Variants in SNX29 observed in about 807,000 individuals in gnomAD.
SNX29 encodes the protein sorting nexin 29, also known as sorting nexin-29.
Under a neutral mutation model 102.1 loss-of-function variants are expected in SNX29, and 78 were observed. That is an observed-to-expected ratio of 0.76 (90% CI 0.64 to 0.92). SNX29 has a LOEUF of 0.92. SNX29 is among the 40% of genes least tolerant of loss of function. The probability of loss-of-function intolerance (pLI) is 0.00; values close to 1 mark genes in which losing one functional copy is unlikely to be tolerated. For synonymous variants in SNX29, 580 were observed against 414.5 expected (o/e 1.40, Z -4.85); for missense variants, 1,280 against 1,061.7 (o/e 1.21, Z -2.86).
intron 14 of SNX29, among the ~76,000 whole-genome samples, chr16:12,251,063 C>A (rs534670004): frequency 1.3e-5 from 2 of 152,348 alleles, no homozygotes; most frequent in Admixed American, 1.3e-4. Context: ...CCAGGCTGCG[C>A]AGGACATCAC....
At chr16:12,460,179 C>T (rs368507086) in intron 18 of SNX29, among the ~76,000 whole-genome samples, 3 of 152,168 alleles carry the variant, frequency 2.0e-5, no homozygotes, top group Non-Finnish European at 4.4e-5. Context: ...GCTGTTTTGC[C>T]GAATGAGACT....
intron 19 of SNX29, among the ~76,000 whole-genome samples, chr16:12,496,712 T>C (rs1381435352): frequency 1.3e-5 from 2 of 152,046 alleles, no homozygotes; most frequent in African/African-American, 2.4e-5. Flanking sequence ...GGTTTCACCA[T>C]GTTGGCCAGG....
intron 14 of SNX29, among the ~76,000 whole-genome samples, chr16:12,229,042 A>G (rs2077696365): frequency 6.6e-6 from 1 of 152,128 alleles, no homozygotes; most frequent in South Asian, 2.1e-4. Context: ...CTTCACACAG[A>G]CCTTGGACTT....
chr16:12,147,724 A>T (rs1308900078), intron 13 of SNX29, among the ~76,000 whole-genome samples: 1 of 152,176 alleles, frequency 6.6e-6, no homozygotes, highest in Non-Finnish European at 1.5e-5. Flanking sequence ...CAGCCTGATT[A>T]TTCGTAGAAA....
intron 15 of SNX29, among the ~76,000 whole-genome samples, chr16:12,296,721 A>G (rs2079993149): frequency 6.6e-6 from 1 of 152,230 alleles, no homozygotes. Flanking sequence ...CATTAGTATC[A>G]GCTGCTGTTT....
intron 20 of SNX29, among the ~76,000 whole-genome samples, chr16:12,567,197 C>T (rs1172731063): frequency 1.3e-5 from 2 of 152,064 alleles, no homozygotes; most frequent in Non-Finnish European, 2.9e-5. Context: ...CACTTGGCAT[C>T]TTTGGTCCTT....
chr16:12,528,768 C>T (rs1286501325), intron 20 of SNX29, among the ~76,000 whole-genome samples: 1 of 152,246 alleles, frequency 6.6e-6, no homozygotes, highest in Non-Finnish European at 1.5e-5. Flanking sequence ...CCACGTTACT[C>T]ATGATGCATT....
chr16:12,462,708 C>G (rs1483768177), intron 18 of SNX29, among the ~76,000 whole-genome samples: 1 of 152,150 alleles, frequency 6.6e-6, no homozygotes, highest in Non-Finnish European at 1.5e-5. Context: ...TCACTGCCTC[C>G]CCCAAACCCA....
rs568898571 is a variant in SNX29 at position 12,569,764 on chromosome 16, G to A, written c.*1135G>A. 1 of 230,470 alleles carries A rather than the reference G, an allele frequency of 4.3e-6. No individual in the cohort carries two copies. Among genetic ancestry groups the A allele is most frequent in the African/African-American group, 2.2e-5 (1 of 45,190 alleles). The allele number at this position is 230,470 out of a possible 1,614,324, so 14.3% of individuals were successfully genotyped here. On this transcript the variant is annotated 3_prime_UTR_variant, in exon 21 of 21. Coordinates refer to ENST00000566228, the MANE Select transcript of SNX29 (RefSeq NM_032167.5). ...CTCCTCCTCCAGTGAGCTCACATCA[G>A]AGCACCTCACAGAGCAATAGCCGTC...
intron 14 of SNX29, among the ~76,000 whole-genome samples, chr16:12,234,735 G>C (rs2077872997): frequency 6.6e-6 from 1 of 152,154 alleles, no homozygotes; most frequent in African/African-American, 2.4e-5. Flanking sequence ...TGGTTGGAGA[G>C]TTGTTCATTC....
intron 9 of SNX29, among the ~76,000 whole-genome samples, chr16:12,066,469 G>A (rs2051042046): frequency 6.6e-6 from 1 of 152,174 alleles, no homozygotes; most frequent in Non-Finnish European, 1.5e-5. Flanking sequence ...TAGGCACAGC[G>A]GGGTATCCCA....
chr16:12,355,470 C>G (rs533712972), intron 15 of SNX29, among the ~76,000 whole-genome samples: 10 of 152,240 alleles, frequency 6.6e-5, no homozygotes, highest in African/African-American at 2.4e-4. Context: ...GGTTAGGGAG[C>G]TAGGGGTCTA....
chr16:11,981,915 G>C (rs1463264062), intron 1 of SNX29, among the ~76,000 whole-genome samples: 1 of 152,030 alleles, frequency 6.6e-6, no homozygotes, highest in Non-Finnish European at 1.5e-5. Context: ...TGTAAGAAAA[G>C]CAGGGTGGGT....
chr16:12,067,838 A>G (rs1322066050), intron 9 of SNX29, among the ~76,000 whole-genome samples: 1 of 152,148 alleles, frequency 6.6e-6, no homozygotes, highest in Admixed American at 6.5e-5. Flanking sequence ...ACTGGCCTTA[A>G]TGTCACCATG....
At chr16:12,417,063 C>T (rs2084665711) in intron 18 of SNX29, among the ~76,000 whole-genome samples, 1 of 152,238 alleles carries the variant, frequency 6.6e-6, no homozygotes, top group Non-Finnish European at 1.5e-5. Context: ...GGAAGGGCCT[C>T]CCAGGTGCAG....
At chr16:12,090,884 G>A (rs145638129) in intron 11 of SNX29, among the ~76,000 whole-genome samples, 8 of 151,838 alleles carry the variant, frequency 5.3e-5, no homozygotes, top group African/African-American at 9.7e-5. Flanking sequence ...GTGTGGTGGT[G>A]CATGCCTGTA....
At chr16:12,242,524 G>A (rs982299229) in intron 14 of SNX29, among the ~76,000 whole-genome samples, 1 of 151,256 alleles carries the variant, frequency 6.6e-6, no homozygotes, top group South Asian at 2.1e-4. Context: ...CTAGAGAAGA[G>A]CATCCCTCCC....
At chr16:12,015,501 G>C (rs187542114) in intron 3 of SNX29, among the ~76,000 whole-genome samples, 8 of 150,174 alleles carry the variant, frequency 5.3e-5, no homozygotes, top group East Asian at 2.0e-4. Context: ...GCCTCCCAAA[G>C]TGCTGGGATT....
chr16:12,552,613 A>G (rs2078051593), intron 20 of SNX29, among the ~76,000 whole-genome samples: 1 of 151,616 alleles, frequency 6.6e-6, no homozygotes, highest in South Asian at 2.1e-4. Flanking sequence ...GATGACTAAA[A>G]AAGCAAAAAC....
Sources: gnomAD v4.1 joint callset for allele counts (sites outside exome capture counted in the v4.1 genomes callset) on GRCh38, gnomAD v4.1.1 for gene constraint, MANE v1.5 for transcripts, NCBI Gene and HGNC (gene_info 2026-07-23, HGNC 2026-07-21) for gene names.